The following TBC1D15 variants were observed in gnomAD, a reference collection of about 807,000 sequenced individuals.
TBC1D15 encodes the protein GAP for RAB7.
Under a neutral mutation model 95.4 loss-of-function variants are expected in TBC1D15, and 39 were observed. That is an observed-to-expected ratio of 0.41 (90% CI 0.32 to 0.53). The LOEUF (loss-of-function observed/expected upper bound fraction) is 0.53. TBC1D15 is among the 20% of genes least tolerant of loss of function. The probability of loss-of-function intolerance (pLI) is 0.29; values close to 1 mark genes in which losing one functional copy is unlikely to be tolerated. For synonymous variants in TBC1D15, 258 were observed against 261.3 expected, an observed-to-expected ratio of 0.99 and a Z score of 0.12; for missense variants, 733 against 794.3, an observed-to-expected ratio of 0.92 and a Z score of 0.93.
Position 71,913,941 on chromosome 12 carries a change from T to A in TBC1D15, c.1401+15T>A. The A allele has an allele frequency of 6.4e-7, 1 of 1,552,076 alleles. No homozygotes were observed. The highest frequency in any genetic ancestry group is 8.7e-7 in the Non-Finnish European group (1 of 1,143,730). ...TGGACCAAATGGTAAGAACAGAGAT[T>A]CCTTCCATTAAACTGATTTTTAAAA... On this transcript the variant is annotated intron_variant, in intron 12 of 16. Coordinates refer to ENST00000485960, the MANE Select transcript of TBC1D15 (RefSeq NM_001146213.3).
At chr12:71,920,151 G>A (rs1252055652) in intron 14 of TBC1D15, among the ~76,000 whole-genome samples, 1 of 152,124 alleles carries the variant, frequency 6.6e-6, no homozygotes, top group Non-Finnish European at 1.5e-5. Flanking sequence ...TCTGTATTTA[G>A]GAACAGCTGA....
In TBC1D15 at chr12:71,897,890, C is replaced by G. The variant is rs1898534878; in HGVS notation, c.1132C>G (p.Gln378Glu). Reference sequence around the variant, plus strand: ...GAAACTGCAGTGGAAATCCATCAGCCAGGAACAAGAGAAAAGAAATTCGAG... The same window carrying G: ...GAAACTGCAGTGGAAATCCATCAGCGAGGAACAAGAGAAAAGAAATTCGAG... ...RMKLQWKSISQEQEKRNSRLR... is the reference protein window; with the variant it reads ...RMKLQWKSISEEQEKRNSRLR... Residue 378 changes from glutamine to glutamate, a missense_variant, in exon 10 of 17, where the codon CAG becomes GAG. Physicochemically the swap from Gln to Glu is conservative, Grantham distance 29. Transcript: ENST00000485960. The G allele has an allele frequency of 6.2e-7, 1 of 1,612,556 alleles. No individual in the cohort carries two copies. Among genetic ancestry groups the G allele is most frequent in the Non-Finnish European group, 8.5e-7 (1 of 1,179,156 alleles).
At position 71,903,138 on chromosome 12, in the gene TBC1D15, A is replaced by G. The variant is rs150789355; in HGVS notation, c.1184-3884A>G. ...ACCATCTTGGCCAGGCTGGTCTTGA[A>G]CTCGTGGCCTTGTGATTCACCTGCC... On this transcript the variant is annotated intron_variant, in intron 10 of 16. Transcript: ENST00000485960. 3.8e-4 allele frequency among the ~76,000 whole-genome samples: 58 copies of G among 151,674 alleles called. 1 individual carries two copies. The highest frequency in any genetic ancestry group is 1.3e-3 in the African/African-American group (53 of 41,352).
At chr12:71,858,642 G>T (rs1408718805) in intron 1 of TBC1D15, among the ~76,000 whole-genome samples, 1 of 148,866 alleles carries the variant, frequency 6.7e-6, no homozygotes, top group East Asian at 2.0e-4. Flanking sequence ...CAGCCTCCCA[G>T]TTTCTGGGTT....
intron 1 of TBC1D15, among the ~76,000 whole-genome samples, chr12:71,862,543 TGA>T (rs1388898180): frequency 2.6e-5 from 4 of 152,246 alleles, no homozygotes; most frequent in Non-Finnish European, 4.4e-5. Flanking sequence ...ACAGATGAAG[TGA>T]GTTTCTCGTT....
intron 1 of TBC1D15, among the ~76,000 whole-genome samples, chr12:71,843,148 G>A (rs1042498405): frequency 6.6e-6 from 1 of 152,086 alleles, no homozygotes; most frequent in Admixed American, 6.5e-5. Flanking sequence ...GGGCATGGTG[G>A]TACACGCCTG....
chr12:71,863,253 C>T (rs1161856047), intron 1 of TBC1D15, among the ~76,000 whole-genome samples: 4 of 152,070 alleles, frequency 2.6e-5, no homozygotes, highest in South Asian at 2.1e-4. Flanking sequence ...TGGCGGGCAC[C>T]TGTAGTCCCA....
chr12:71,896,090 C>T lies in TBC1D15; in HGVS notation c.984+15C>T, dbSNP rs372749610. The T allele has an allele frequency of 1.9e-6, 3 of 1,587,332 alleles. No individual in the cohort carries two copies. Among genetic ancestry groups the T allele is most frequent in the Non-Finnish European group, 2.6e-6 (3 of 1,163,530 alleles). On this transcript the variant is annotated intron_variant, in intron 8 of 16. Coordinates refer to ENST00000485960, the MANE Select transcript of TBC1D15 (RefSeq NM_001146213.3). ...TATTTAGAGGGGTAATTTAAACACT[C>T]TAATATGGCTTGTCTTATAAACTCC...
chr12:71,890,646 A>G (rs1897052751), intron 5 of TBC1D15, among the ~76,000 whole-genome samples: 1 of 152,164 alleles, frequency 6.6e-6, no homozygotes, highest in Admixed American at 6.6e-5. Context: ...AGCGCCAGGA[A>G]GAGGCTCTGC....
Position 71,923,840 on chromosome 12 carries a change from T to C in TBC1D15, c.*636T>C, listed in dbSNP as rs541710589. On this transcript the variant is annotated 3_prime_UTR_variant, in exon 17 of 17. Coordinates refer to ENST00000485960, the MANE Select transcript of TBC1D15 (RefSeq NM_001146213.3). ...TATAAAGATTATATATAAGTACTTA[T>C]TTATGAGTATAAGAAAGGTTAGGCA... 3 of 152,700 alleles carry C rather than the reference T, an allele frequency of 2.0e-5. No homozygotes were observed. Among genetic ancestry groups the C allele is most frequent in the African/African-American group, 7.2e-5 (3 of 41,566 alleles). The allele number at this position is 152,700 out of a possible 1,614,324, so 9.5% of individuals were successfully genotyped here. A position where few individuals can be genotyped will look rare whatever the true frequency, so the allele number is the denominator to read the frequency against.
chr12:71,848,860 G>A (rs1368948846), intron 1 of TBC1D15, among the ~76,000 whole-genome samples: 1 of 151,992 alleles, frequency 6.6e-6, no homozygotes, highest in East Asian at 1.9e-4. Flanking sequence ...CAAGCTCCTA[G>A]GCTTCATTCA....
intron 1 of TBC1D15, among the ~76,000 whole-genome samples, chr12:71,844,166 A>G (rs1156626902): frequency 2.0e-5 from 3 of 152,164 alleles, no homozygotes; most frequent in Non-Finnish European, 4.4e-5. Context: ...AGTTCAAGCA[A>G]CCATGAGTCT....
intron 5 of TBC1D15, among the ~76,000 whole-genome samples, chr12:71,890,365 C>G (rs1896996384): frequency 6.6e-6 from 1 of 152,156 alleles, no homozygotes; most frequent in Non-Finnish European, 1.5e-5. Flanking sequence ...TGGTTTCAGC[C>G]TCATTGGGAT....
At chr12:71,903,634 G>A (rs538384154) in intron 10 of TBC1D15, among the ~76,000 whole-genome samples, 39 of 152,296 alleles carry the variant, frequency 2.6e-4, no homozygotes, top group African/African-American at 8.9e-4. Flanking sequence ...CCCATCAGTG[G>A]TGGACTGGAT....
chr12:71,918,344 G>C, intron 13 of TBC1D15, 107 bp from the exon 14 acceptor site: 1 of 612,510 alleles, frequency 1.6e-6, no homozygotes, highest in South Asian at 2.8e-5. Context: ...CAAATGTATA[G>C]GGCCTTGAAT....
chr12:71,921,491 T>C, intron 16 of TBC1D15, 37 bp downstream of exon 16: 1 of 1,297,054 alleles, frequency 7.7e-7, no homozygotes. Flanking sequence ...GATTTGTTTG[T>C]TTTTGGTGGG....
intron 6 of TBC1D15, 132 bp downstream of exon 6, chr12:71,893,456 GTA>G: frequency 2.3e-6 from 1 of 434,046 alleles, no homozygotes; most frequent in Non-Finnish European, 3.9e-6. Context: ...GTGTGTGTGT[GTA>G]ATCTTTTTGG....
intron 1 of TBC1D15, among the ~76,000 whole-genome samples, chr12:71,847,871 G>A (rs904438313): frequency 6.6e-6 from 1 of 152,116 alleles, no homozygotes; most frequent in African/African-American, 2.4e-5. Context: ...GCCGAGGTGG[G>A]TGGATCACCT....
At chr12:71,915,203 A>G (rs1280661770) in intron 12 of TBC1D15, among the ~76,000 whole-genome samples, 2 of 151,962 alleles carry the variant, frequency 1.3e-5, no homozygotes, top group Non-Finnish European at 2.9e-5. Context: ...GGCATTTGTT[A>G]TAAAGGTCTG....
Sources: gnomAD v4.1 joint callset for allele counts (sites outside exome capture counted in the v4.1 genomes callset) on GRCh38, gnomAD v4.1.1 for gene constraint, MANE v1.5 for transcripts, NCBI Gene and HGNC (gene_info 2026-07-23, HGNC 2026-07-21) for gene names.